The following DAZAP1 variants were observed in gnomAD, a reference collection of about 807,000 sequenced individuals.
DAZAP1 encodes the protein DAZ associated protein 1, also known as DAZ-associated protein 1.
A neutral mutation model predicts 60.1 loss-of-function variants in DAZAP1; 6 were observed. The observed-to-expected ratio is 0.10, with a 90% confidence interval of 0.05 to 0.20. The LOEUF is 0.20. Among genes scored for constraint, DAZAP1 ranks in the 10% least tolerant of loss-of-function variants. DAZAP1 has a pLI of 1.00. For missense variants in DAZAP1, 366 were observed against 560.4 expected, an observed-to-expected ratio of 0.65 and a Z score of 3.50; for synonymous variants, 235 against 215.9, an observed-to-expected ratio of 1.09 and a Z score of -0.78.
intron 1 of DAZAP1, among the ~76,000 whole-genome samples, chr19:1,410,753 G>A (rs894473669): frequency 6.6e-6 from 1 of 152,232 alleles, no homozygotes; most frequent in African/African-American, 2.4e-5. Context: ...ATTGTGTTCT[G>A]CTGGCTTCCA....
rs907419718 is a variant in DAZAP1 at position 1,422,633 on chromosome 19, C to T, written c.463+237C>T. Among the ~76,000 whole-genome samples the T allele has an allele frequency of 1.3e-5, 2 of 152,152 alleles. No individual in the cohort carries two copies. Among genetic ancestry groups the T allele is most frequent in the African/African-American group, 4.8e-5 (2 of 41,434 alleles). The stretch of plus-strand genomic sequence containing the variant: ...TTGGCTTGTTCTTTTGAAGTTTTTA[C>T]GACTTGTCATGAGTCTCGGCCTGGC... On this transcript the variant is annotated intron_variant, in intron 6 of 11. Coordinates refer to ENST00000233078, the MANE Select transcript of DAZAP1 (RefSeq NM_018959.4). This position sits in a 1 kb window ranked among gnomAD's most constrained non-coding sequence, Gnocchi z 4.5.
At chr19:1,407,859 C>T (rs1235967572) in intron 1 of DAZAP1, 57 bp downstream of exon 1, 5 of 1,051,604 alleles carry the variant, frequency 4.8e-6, no homozygotes, top group Admixed American at 5.5e-5. Flanking sequence ...CGCCGCTCCC[C>T]GCCGCCCGGC....
chr19:1,407,612 A>G lies in DAZAP1; in HGVS notation c.-162A>G, dbSNP rs975613165. The G allele has an allele frequency of 8.1e-6, 2 of 246,780 alleles. No individual in the cohort carries two copies. Among genetic ancestry groups the G allele is most frequent in the Non-Finnish European group, 1.1e-5 (2 of 176,954 alleles). The allele number at this position is 246,780 out of a possible 1,614,324, so 15.3% of individuals were successfully genotyped here. ...CGCGGTGACCGTTGGCGCCGAGGGG[A>G]GGAGGCAGCCGCCGCCGCCGCCGCC... is the stretch of plus-strand genomic sequence containing the variant. On this transcript the variant is annotated 5_prime_UTR_variant, in exon 1 of 12. Coordinates refer to ENST00000233078, the MANE Select transcript of DAZAP1 (RefSeq NM_018959.4).
intron 1 of DAZAP1, among the ~76,000 whole-genome samples, chr19:1,411,393 G>C (rs1339047231): frequency 6.6e-6 from 1 of 152,208 alleles, no homozygotes; most frequent in African/African-American, 2.4e-5. Context: ...TGTCCTGCTG[G>C]GGGGAGAGCC....
intron 1 of DAZAP1, among the ~76,000 whole-genome samples, chr19:1,414,554 G>A (rs894663024): frequency 6.6e-6 from 1 of 151,782 alleles, no homozygotes; most frequent in Non-Finnish European, 1.5e-5. Flanking sequence ...AGACCATCCT[G>A]GCCAATATGG....
chr19:1,418,501 A>G lies in DAZAP1; in HGVS notation c.237+131A>G. On this transcript the variant is annotated intron_variant, in intron 3 of 11. Transcript: ENST00000233078. This position sits in a 1 kb window ranked among gnomAD's most constrained non-coding sequence, Gnocchi z 5.7. ...AACGTGGGGTCGATTGGGAAGGATT[A>G]AGCCTTGGTGCTGAGGCTGGATATT... 7 of 1,435,690 alleles carry G rather than the reference A, an allele frequency of 4.9e-6. No individual in the cohort carries two copies. The highest frequency in any genetic ancestry group is 6.8e-6 in the Non-Finnish European group (7 of 1,029,726). The allele number at this position is 1,435,690 out of a possible 1,614,324, so 88.9% of individuals were successfully genotyped here. A position where few individuals can be genotyped will look rare whatever the true frequency, so the allele number is the denominator to read the frequency against.
At chr19:1,413,096 C>T (rs1283462404) in intron 1 of DAZAP1, among the ~76,000 whole-genome samples, 1 of 152,214 alleles carries the variant, frequency 6.6e-6, no homozygotes, top group African/African-American at 2.4e-5. Flanking sequence ...CCTTCATCTG[C>T]GTAGGCCAGT....
At chr19:1,429,064 G>A in intron 8 of DAZAP1, 69 bp downstream of exon 8, 4 of 1,471,230 alleles carry the variant, frequency 2.7e-6, no homozygotes, top group Non-Finnish European at 3.6e-6. Context: ...GCCCTGGGCT[G>A]TGCCGTCGCT....
chr19:1,411,462 C>T (rs1014769405), intron 1 of DAZAP1, among the ~76,000 whole-genome samples: 2 of 152,226 alleles, frequency 1.3e-5, no homozygotes, highest in African/African-American at 2.4e-5. Flanking sequence ...GGCCGCTGCT[C>T]CTTGTGGTTT....
chr19:1,423,830 C>T lies in DAZAP1; in HGVS notation c.463+1434C>T, dbSNP rs375597265. ...GCCCAGAGCTGGCGCCCCTTCTCCT[C>T]GCGTCCTGTCCTGTCCCGTGTGGAC... On this transcript the variant is annotated intron_variant, in intron 6 of 11. Coordinates refer to ENST00000233078, the MANE Select transcript of DAZAP1 (RefSeq NM_018959.4). The surrounding 1 kb of genome is among the most constrained non-coding windows in gnomAD (Gnocchi z 6.8). Among the ~76,000 whole-genome samples, 15 of 152,208 alleles carry T rather than the reference C, an allele frequency of 9.9e-5. No individual in the cohort carries two copies. The South Asian group carries it at 1.0e-3, about 11-fold the overall frequency.
rs2083170867 is a variant in DAZAP1 at position 1,422,013 on chromosome 19, T to A, written c.415-335T>A. Among the ~76,000 whole-genome samples, 1 of 152,166 alleles carries A rather than the reference T, an allele frequency of 6.6e-6. No individual in the cohort carries two copies. The highest frequency in any genetic ancestry group is 1.5e-5 in the Non-Finnish European group (1 of 68,018). ...AAGGGCTTCTGTGGGGTCTCCTGGCTCCCACGTCCCCTGCTAGGATGCGTG... is the reference window on the plus strand; with the variant it reads ...AAGGGCTTCTGTGGGGTCTCCTGGCACCCACGTCCCCTGCTAGGATGCGTG... On this transcript the variant is annotated intron_variant, in intron 5 of 11. Coordinates refer to ENST00000233078, the MANE Select transcript of DAZAP1 (RefSeq NM_018959.4). The surrounding 1 kb of genome is among the most constrained non-coding windows in gnomAD (Gnocchi z 4.5).
intron 2 of DAZAP1, among the ~76,000 whole-genome samples, chr19:1,417,771 C>T (rs546713734): frequency 4.6e-5 from 7 of 152,156 alleles, no homozygotes; most frequent in Non-Finnish European, 7.4e-5. Flanking sequence ...TTCCTAGCTC[C>T]GGGCTGAGGT....
chr19:1,431,376 G>A (rs1388996155), intron 10 of DAZAP1, among the ~76,000 whole-genome samples: 2 of 151,610 alleles, frequency 1.3e-5, no homozygotes, highest in South Asian at 2.1e-4. Context: ...TGATTCGCCC[G>A]CCTCGGCCTC....
Position 1,430,254 on chromosome 19 carries a change from G to GGGCCCCCCCCCCCC in DAZAP1, c.763_764insGGCCCCCCCCCCCC (p.Ala255GlyfsTer85). 2 of 1,295,252 alleles carry GGGCCCCCCCCCCCC rather than the reference G, an allele frequency of 1.5e-6. No homozygotes were observed. Among genetic ancestry groups the GGGCCCCCCCCCCCC allele is most frequent in the Non-Finnish European group, 2.2e-6 (2 of 924,066 alleles). The allele number at this position is 1,295,252 out of a possible 1,614,324, so 80.2% of individuals were successfully genotyped here. On this transcript the variant is annotated frameshift_variant, in exon 10 of 12. Transcript: ENST00000233078. LOFTEE classifies it high-confidence loss of function. ...TGGACCGCCCCCTGCAGGAAGAGGA[G>GGGCCCCCCCCCCCC]CCCCCCCGCCACCCCCACCGTTCAC...
At chr19:1,429,371 A>C (rs1471493691) in intron 8 of DAZAP1, among the ~76,000 whole-genome samples, 2 of 152,198 alleles carry the variant, frequency 1.3e-5, no homozygotes, top group Non-Finnish European at 2.9e-5. Flanking sequence ...GGGGGGCTTG[A>C]GGAGCCGGCA....
rs1047643492 is a variant in DAZAP1, at chr19:1,422,740, C to T, written c.463+344C>T. Among the ~76,000 whole-genome samples the T allele has an allele frequency of 5.9e-5, 9 of 152,200 alleles. No homozygotes were observed. In the South Asian group the frequency reaches 1.2e-3, roughly 21 times the overall value. ...CCTCATCCAGTCCTCCCAGTGTGGC[C>T]GGTCTCATTTCGTGTCGTCAGCTGG... On this transcript the variant is annotated intron_variant, in intron 6 of 11. Coordinates refer to ENST00000233078, the MANE Select transcript of DAZAP1 (RefSeq NM_018959.4). This position sits in a 1 kb window ranked among gnomAD's most constrained non-coding sequence, Gnocchi z 4.5.
chr19:1,414,396 T>G (rs372163718), intron 1 of DAZAP1, among the ~76,000 whole-genome samples: 12 of 152,182 alleles, frequency 7.9e-5, no homozygotes, highest in Non-Finnish European at 1.8e-4. Flanking sequence ...CACTGAGATA[T>G]CTATTGTTTC....
intron 1 of DAZAP1, among the ~76,000 whole-genome samples, chr19:1,409,561 T>C (rs900094547): frequency 1.3e-5 from 2 of 151,876 alleles, no homozygotes; most frequent in African/African-American, 2.4e-5. Context: ...CTGCCAGGAG[T>C]GTCCACTGCT....
Position 1,433,460 on chromosome 19 carries a change from C to G in DAZAP1, c.1048+770C>G. 1 of 469,954 alleles carries G rather than the reference C, an allele frequency of 2.1e-6. No individual in the cohort carries two copies. Among genetic ancestry groups the G allele is most frequent in the East Asian group, 3.8e-5 (1 of 26,092 alleles). 29.1% of individuals were successfully genotyped at this position (469,954 alleles called of 1,614,324 possible). A position where few individuals can be genotyped will look rare whatever the true frequency, so the allele number is the denominator to read the frequency against. On this transcript the variant is annotated intron_variant, in intron 11 of 11. Coordinates refer to ENST00000233078, the MANE Select transcript of DAZAP1 (RefSeq NM_018959.4). The surrounding 1 kb of genome is among the most constrained non-coding windows in gnomAD (Gnocchi z 6.1). ...CGGGCTTCCGGGGTGCCTGTGAACA[C>G]GCTTCCTCTAGGCCTGGTGGAGGCC...
Sources: allele counts gnomAD v4.1 joint callset (sites outside exome capture counted in the v4.1 genomes callset), GRCh38; gene constraint gnomAD v4.1.1; non-coding constraint Gnocchi (gnomAD v3.1); transcripts MANE v1.5; gene names NCBI Gene and HGNC (gene_info 2026-07-23, HGNC 2026-07-21).